The following PEAK1 variants were observed in gnomAD, a reference collection of about 807,000 sequenced individuals.
PEAK1 encodes inactive tyrosine-protein kinase PEAK1.
A neutral mutation model predicts 124.7 loss-of-function variants in PEAK1; 54 were observed. The observed-to-expected ratio is 0.43, with a 90% CI of 0.35 to 0.54. The LOEUF (loss-of-function observed/expected upper bound fraction) is 0.54. Ranked by LOEUF, PEAK1 falls within the 20% of genes least tolerant of loss-of-function variation. The pLI is 0.01. For synonymous variants in PEAK1, 719 were observed against 760.0 expected (o/e 0.95, Z 0.89); for missense variants, 2,046 against 2,134.5 (o/e 0.96, Z 0.82).
At chr15:77,285,747 T>C (rs1156271033) in intron 3 of PEAK1, among the ~76,000 whole-genome samples, 1 of 152,150 alleles carries the variant, frequency 6.6e-6, no homozygotes, top group African/African-American at 2.4e-5. Flanking sequence ...TTGATTCTTC[T>C]CTCTTTTCTT....
intron 7 of PEAK1, among the ~76,000 whole-genome samples, chr15:77,175,934 T>G (rs1273055836): frequency 6.6e-6 from 1 of 152,164 alleles, no homozygotes; most frequent in Admixed American, 6.5e-5. Flanking sequence ...TAAAAAATGA[T>G]GAGTTCATGT....
chr15:77,266,905 T>A (rs1392258307), intron 5 of PEAK1, among the ~76,000 whole-genome samples: 1 of 151,794 alleles, frequency 6.6e-6, no homozygotes, highest in African/African-American at 2.4e-5. Flanking sequence ...GCTTGTTTTC[T>A]CAGTGGGGAG....
intron 1 of PEAK1, among the ~76,000 whole-genome samples, chr15:77,419,786 G>A (rs1180433729): frequency 1.3e-5 from 2 of 148,372 alleles, no homozygotes; most frequent in Non-Finnish European, 3.0e-5. Context: ...GGCGGGGCGC[G>A]GGGGTGGCCG....
chr15:77,287,906 T>C (rs1188292033), intron 2 of PEAK1, among the ~76,000 whole-genome samples: 1 of 152,194 alleles, frequency 6.6e-6, no homozygotes, highest in East Asian at 1.9e-4. Context: ...CAATTCTTAT[T>C]GATTTCTACT....
chr15:77,284,422 T>C lies in PEAK1; in HGVS notation c.-422-392A>G, dbSNP rs144022673. Among the ~76,000 whole-genome samples, 831 of 152,294 alleles carry C rather than the reference T, an allele frequency of 5.5e-3. 6 individuals are homozygous for C. Among genetic ancestry groups the C allele is most frequent in the Middle Eastern group, 0.014 (4 of 294 alleles). On this transcript the variant is annotated intron_variant, in intron 4 of 9. Transcript: ENST00000682557. ...GTCAATCTTCTCACCTTACAAAATG[T>C]ATGAAAACAGGTTAAGATACTTGTA...
At chr15:77,371,212 A>G in intron 1 of PEAK1, 3 of 984,452 alleles carry the variant, frequency 3.0e-6, no homozygotes, top group Non-Finnish European at 3.6e-6. Flanking sequence ...TTCTATGGAT[A>G]GCAACCTTTC....
intron 2 of PEAK1, among the ~76,000 whole-genome samples, chr15:77,340,059 T>G (rs759831795): frequency 1.3e-4 from 20 of 152,210 alleles, no homozygotes; most frequent in Non-Finnish European, 2.4e-4. Context: ...AATGATGCAG[T>G]AACTTCAGAA....
rs138535602 is a variant in PEAK1, at chr15:77,249,199, A to AT, written c.-115+3167dup. On this transcript the variant is annotated intron_variant, in intron 6 of 9. Transcript: ENST00000682557. ...CCCTATAAAAGGAAAGTTTTCCTAA[A>AT]TGAAGGCATTGTAAATAATGCTTTA... Among the ~76,000 whole-genome samples the AT allele has an allele frequency of 5.2e-3, 789 of 152,270 alleles. 5 individuals are homozygous for AT. The highest frequency in any genetic ancestry group is 0.016 in the African/African-American group (681 of 41,548).
At position 77,108,479 on chromosome 15, in the gene PEAK1, C is replaced by A. The variant is rs1193956233; in HGVS notation, c.*5677G>T. The stretch of plus-strand genomic sequence containing the variant: ...CCTCATGCCAAAATGCCCTGCATAT[C>A]CTCAACAGAAAATCCCAACCCAGTG... On this transcript the variant is annotated 3_prime_UTR_variant, in exon 10 of 10. Transcript: ENST00000682557. The A allele has an allele frequency of 2.6e-5, 4 of 152,148 alleles. No homozygotes were observed. The highest frequency in any genetic ancestry group is 5.9e-5 in the Non-Finnish European group (4 of 68,036). The allele number at this position is 152,148 out of a possible 1,614,324, so 9.4% of individuals were successfully genotyped here. A position where few individuals can be genotyped will look rare whatever the true frequency, so the allele number is the denominator to read the frequency against.
chr15:77,141,455 T>C (rs561679628), intron 8 of PEAK1, among the ~76,000 whole-genome samples: 1 of 152,292 alleles, frequency 6.6e-6, no homozygotes, highest in East Asian at 1.9e-4. Flanking sequence ...AAGGGAAATA[T>C]TCCCAAAATT....
At chr15:77,182,098 C>T in intron 6 of PEAK1, 58 bp from the exon 7 acceptor site, 5 of 1,287,944 alleles carry the variant, frequency 3.9e-6, no homozygotes, top group Non-Finnish European at 4.9e-6. Flanking sequence ...TGAGACTTAC[C>T]ATTATTAGTG....
intron 2 of PEAK1, among the ~76,000 whole-genome samples, chr15:77,314,981 A>AC (rs1235253599): frequency 6.6e-6 from 1 of 152,044 alleles, no homozygotes; most frequent in Non-Finnish European, 1.5e-5. Flanking sequence ...CATCATCCGT[A>AC]CCCCAAACCT....
intron 7 of PEAK1, among the ~76,000 whole-genome samples, chr15:77,175,862 A>G (rs1003458071): frequency 2.6e-5 from 4 of 152,266 alleles, no homozygotes; most frequent in Non-Finnish European, 5.9e-5. Flanking sequence ...CCAAATGTCC[A>G]ACAACGATAG....
At chr15:77,288,708 C>T (rs1278501502) in intron 2 of PEAK1, among the ~76,000 whole-genome samples, 12 of 152,032 alleles carry the variant, frequency 7.9e-5, no homozygotes, top group Non-Finnish European at 5.9e-5. Flanking sequence ...TTTGGGAGGC[C>T]GAGGCAGGCG....
intron 1 of PEAK1, chr15:77,418,076 G>A (rs957028230): frequency 1.4e-5 from 14 of 984,010 alleles, no homozygotes; most frequent in Middle Eastern, 1.0e-3. Flanking sequence ...GGCCTTCAGG[G>A]TAGACTCTTA....
chr15:77,347,539 T>C (rs965710412), intron 2 of PEAK1: 2 of 985,222 alleles, frequency 2.0e-6, no homozygotes, highest in African/African-American at 3.5e-5. Context: ...CACTCATAAA[T>C]GAACTCCAAT....
At chr15:77,352,954 G>A (rs1357615086) in intron 2 of PEAK1, 25 of 985,234 alleles carry the variant, frequency 2.5e-5, no homozygotes, top group Admixed American at 6.2e-5. Flanking sequence ...CTTCTCATTA[G>A]CTACAGAGAT....
chr15:77,260,606 G>C (rs910063414), intron 5 of PEAK1, among the ~76,000 whole-genome samples: 1 of 152,116 alleles, frequency 6.6e-6, no homozygotes, highest in Non-Finnish European at 1.5e-5. Flanking sequence ...AAAATATATA[G>C]AGACAAATGA....
At chr15:77,274,709 G>A (rs2062218704) in intron 5 of PEAK1, among the ~76,000 whole-genome samples, 1 of 152,080 alleles carries the variant, frequency 6.6e-6, no homozygotes, top group Non-Finnish European at 1.5e-5. Context: ...CTTTTACACT[G>A]CTGGTGGGAA....
Sources: allele counts gnomAD v4.1 joint callset (sites outside exome capture counted in the v4.1 genomes callset), GRCh38; gene constraint gnomAD v4.1.1; transcripts MANE v1.5; gene names NCBI Gene and HGNC (gene_info 2026-07-23, HGNC 2026-07-21).